The following DGKH variants were observed in gnomAD, a reference collection of about 807,000 sequenced individuals.
The protein encoded by DGKH is DAG kinase eta.
DGKH carries 90 observed loss-of-function variants against 159.3 expected under a neutral mutation model. That is an observed-to-expected ratio of 0.57 (90% CI 0.48 to 0.67). The LOEUF (loss-of-function observed/expected upper bound fraction) is 0.67. Ranked by LOEUF, DGKH falls within the 30% of genes least tolerant of loss-of-function variation. The pLI is 0.00. For missense variants in DGKH, 1,181 were observed against 1,506.1 expected, an observed-to-expected ratio of 0.78 and a Z score of 3.57; for synonymous variants, 536 against 553.8, an observed-to-expected ratio of 0.97 and a Z score of 0.45.
chr13:42,107,910 G>A (rs1328965696), intron 1 of DGKH, among the ~76,000 whole-genome samples: 1 of 152,132 alleles, frequency 6.6e-6, no homozygotes, highest in African/African-American at 2.4e-5. Context: ...GAGGCATGGA[G>A]GACAAAAGGG....
intron 1 of DGKH, among the ~76,000 whole-genome samples, chr13:42,108,691 A>T (rs553584093): frequency 1.1e-4 from 17 of 152,302 alleles, no homozygotes; most frequent in African/African-American, 4.1e-4. Flanking sequence ...AAATACAGAA[A>T]TTTATTTTAG....
chr13:42,075,188 G>A (rs976564699), intron 1 of DGKH, among the ~76,000 whole-genome samples: 9 of 152,042 alleles, frequency 5.9e-5, no homozygotes, highest in African/African-American at 9.7e-5. Flanking sequence ...TGTGTTAGTC[G>A]TGTTTCTGCA....
chr13:42,082,848 C>G (rs1454685303), intron 1 of DGKH, among the ~76,000 whole-genome samples: 1 of 152,226 alleles, frequency 6.6e-6, no homozygotes, highest in Admixed American at 6.5e-5. Context: ...ACTAAAGCCT[C>G]CAAACCTTGC....
chr13:42,081,766 CT>C (rs1290168012), intron 1 of DGKH, among the ~76,000 whole-genome samples: 2 of 152,160 alleles, frequency 1.3e-5, no homozygotes, highest in Non-Finnish European at 2.9e-5. Flanking sequence ...TCATCTTGCT[CT>C]CTCTTTGCCC....
At chr13:42,211,437 C>T (rs577649198) in intron 24 of DGKH, among the ~76,000 whole-genome samples, 14 of 152,286 alleles carry the variant, frequency 9.2e-5, no homozygotes, top group Non-Finnish European at 1.8e-4. Context: ...GTGGCTCATG[C>T]CTGTAATCCC....
At chr13:42,054,093 A>G (rs1038409852) in intron 1 of DGKH, among the ~76,000 whole-genome samples, 2 of 152,252 alleles carry the variant, frequency 1.3e-5, no homozygotes, top group African/African-American at 2.4e-5. Context: ...AATTTGTGCC[A>G]TTAAAACATT....
Position 42,238,772 on chromosome 13 carries a change from A to G in DGKH, c.*9584A>G, listed in dbSNP as rs1187865772. The stretch of plus-strand genomic sequence containing the variant: ...GATTAAGGGAATTAAATTAGAAAGT[A>G]GAATAACCTAGTTAAAATCATTATA... On this transcript the variant is annotated 3_prime_UTR_variant, in exon 30 of 30. Transcript: ENST00000337343. 1 of 152,240 alleles carries G rather than the reference A, an allele frequency of 6.6e-6. No homozygotes were observed. Among genetic ancestry groups the G allele is most frequent in the African/African-American group, 2.4e-5 (1 of 41,480 alleles). The allele number at this position is 152,240 out of a possible 1,614,324, so 9.4% of individuals were successfully genotyped here.
At chr13:42,044,596 T>A (rs936835276), upstream of DGKH, among the ~76,000 whole-genome samples, 3 of 152,204 alleles carry the variant, frequency 2.0e-5, no homozygotes, top group African/African-American at 7.2e-5. Flanking sequence ...CCCCAGCACT[T>A]CTTTCTTAAA....
intron 1 of DGKH, among the ~76,000 whole-genome samples, chr13:42,098,159 C>T (rs1356988533): frequency 6.6e-6 from 1 of 152,132 alleles, no homozygotes; most frequent in African/African-American, 2.4e-5. Context: ...GAAATTAAAA[C>T]TTTACACAGG....
intron 1 of DGKH, among the ~76,000 whole-genome samples, chr13:42,057,847 T>G (rs1593961164): frequency 6.7e-6 from 1 of 149,058 alleles, no homozygotes; most frequent in Non-Finnish European, 1.5e-5. Context: ...GGAGGTGGAG[T>G]GGGAAGGGAT....
chr13:42,157,089 C>A (rs1249333527), intron 5 of DGKH, among the ~76,000 whole-genome samples: 1 of 152,280 alleles, frequency 6.6e-6, no homozygotes, highest in East Asian at 1.9e-4. Flanking sequence ...AAATTTGCAT[C>A]ATGGGCTTGA....
At chr13:42,183,511 G>A (rs1566167545) in intron 13 of DGKH, among the ~76,000 whole-genome samples, 2 of 152,172 alleles carry the variant, frequency 1.3e-5, no homozygotes, top group East Asian at 3.9e-4. Context: ...TATTTATTCA[G>A]TGATACAATA....
chr13:42,234,145 T>TGTA lies in DGKH; in HGVS notation c.*4957_*4958insGTA, dbSNP rs10664909. The TGTA allele has an allele frequency of 1.3e-5, 2 of 152,028 alleles. No homozygotes were observed. 9.4% of individuals were successfully genotyped at this position (152,028 alleles called of 1,614,324 possible). On this transcript the variant is annotated 3_prime_UTR_variant, in exon 30 of 30. Transcript: ENST00000337343. ...CCCCAAATAACAGTTTACTTAATTT[T>TGTA]ATAAGATTTTTCCCAATGAGACTTA...
Position 42,229,214 on chromosome 13 carries a change from A to C in DGKH, c.*26A>C. 1.3e-6 allele frequency: 2 copies of C among 1,589,488 alleles called. No homozygotes were observed. The highest frequency in any genetic ancestry group is 1.7e-6 in the Non-Finnish European group (2 of 1,167,104). ...TCATATTGGTGCTATTTCTTGGAAG[A>C]GAAGTTATTGCCACTTAATACAAAG... On this transcript the variant is annotated 3_prime_UTR_variant, in exon 30 of 30. Transcript: ENST00000337343.
intron 1 of DGKH, chr13:42,069,063 G>T: frequency 7.1e-7 from 1 of 1,417,350 alleles, no homozygotes; most frequent in Non-Finnish European, 1.0e-6. Flanking sequence ...ACTGCGGGAT[G>T]CCTATTGGGC....
intron 3 of DGKH, among the ~76,000 whole-genome samples, chr13:42,135,971 C>T (rs918302834): frequency 1.3e-5 from 2 of 152,138 alleles, no homozygotes; most frequent in Non-Finnish European, 2.9e-5. Context: ...GAGCTTAGAC[C>T]ATGAAAGTCA....
In DGKH at chr13:42,207,123, CTCCT is replaced by C. The variant is rs377514975; in HGVS notation, c.2601+1048_2601+1051del. ...TTTCTTTCTTTCTTTCTCTTTCTCT[CTCCT>C]TCCTTCCTTCCTTCCTTCCTTCCTT... is the stretch of plus-strand genomic sequence containing the variant. On this transcript the variant is annotated intron_variant, in intron 21 of 29. Coordinates refer to ENST00000337343, the MANE Select transcript of DGKH (RefSeq NM_178009.5). Among the ~76,000 whole-genome samples the C allele has an allele frequency of 4.7e-3, 243 of 52,252 alleles. 5 individuals carry two copies. The highest frequency in any genetic ancestry group is 0.018 in the Middle Eastern group (2 of 110). The allele number at this position is 52,252 out of a possible 152,430, so 34.3% of individuals were successfully genotyped here.
At chr13:42,254,469 T>C (rs955316535) in intron 30 of DGKH, among the ~76,000 whole-genome samples, 1 of 152,014 alleles carries the variant, frequency 6.6e-6, no homozygotes, top group Admixed American at 6.6e-5. Context: ...CTGTCCCTAC[T>C]GAAAATACAA....
At chr13:42,163,356 A>G (rs975788487) in intron 7 of DGKH, among the ~76,000 whole-genome samples, 7 of 152,154 alleles carry the variant, frequency 4.6e-5, no homozygotes, top group African/African-American at 1.4e-4. Flanking sequence ...AGCATGATTT[A>G]TAGTCTTTGG....
Sources: gnomAD v4.1 joint callset for allele counts (sites outside exome capture counted in the v4.1 genomes callset) on GRCh38, gnomAD v4.1.1 for gene constraint, MANE v1.5 for transcripts, NCBI Gene and HGNC (gene_info 2026-07-23, HGNC 2026-07-21) for gene names.